Variants in ZFAT observed in about 807,000 individuals in gnomAD.
ZFAT encodes the protein zinc finger and AT-hook domain containing.
ZFAT carries 64 observed loss-of-function variants against 117.7 expected under a neutral mutation model. That is an observed-to-expected ratio of 0.54 (90% CI 0.44 to 0.67). The LOEUF (loss-of-function observed/expected upper bound fraction) is 0.67. Ranked by LOEUF, ZFAT falls within the 30% of genes least tolerant of loss-of-function variation. The pLI is 0.00. For synonymous variants in ZFAT, 679 were observed against 615.0 expected (o/e 1.10, Z -1.54); for missense variants, 1,433 against 1,584.5 (o/e 0.90, Z 1.62).
At chr8:134,552,840 CTG>C (rs1273422135) in intron 11 of ZFAT, among the ~76,000 whole-genome samples, 27 of 152,354 alleles carry the variant, frequency 1.8e-4, no homozygotes, top group African/African-American at 6.0e-4. Context: ...ATTTCAAAAA[CTG>C]TGGATTTCAG....
intron 13 of ZFAT, among the ~76,000 whole-genome samples, chr8:134,513,106 A>G (rs554709886): frequency 6.6e-6 from 1 of 152,242 alleles, no homozygotes; most frequent in African/African-American, 2.4e-5. Flanking sequence ...CTGATGGTGG[A>G]AGGGAGAGGA....
At chr8:134,736,480 A>T in the ZFAT span, among the ~76,000 whole-genome samples, 5 of 152,190 alleles carry the variant, frequency 3.3e-5, no homozygotes, top group Non-Finnish European at 7.3e-5. Flanking sequence ...ATGGAATGCA[A>T]AATTAAGTAT....
At chr8:134,677,929 G>A (rs1832883783) in intron 1 of ZFAT, among the ~76,000 whole-genome samples, 1 of 152,124 alleles carries the variant, frequency 6.6e-6, no homozygotes, top group South Asian at 2.1e-4. Context: ...AATAAACTAG[G>A]TATTGATGGA....
intron 11 of ZFAT, among the ~76,000 whole-genome samples, chr8:134,560,277 T>A (rs1823955609): frequency 6.6e-6 from 1 of 152,082 alleles, no homozygotes; most frequent in South Asian, 2.1e-4. Context: ...ACACCACCCA[T>A]CCCAAACTCA....
chr8:134,558,129 G>C (rs1382580990), intron 11 of ZFAT, among the ~76,000 whole-genome samples: 1 of 152,208 alleles, frequency 6.6e-6, no homozygotes, highest in East Asian at 1.9e-4. Flanking sequence ...AGGTAATTCT[G>C]ATGTTGACTA....
intron 15 of ZFAT, among the ~76,000 whole-genome samples, chr8:134,491,719 C>T (rs1157991216): frequency 6.6e-6 from 1 of 152,172 alleles, no homozygotes; most frequent in Non-Finnish European, 1.5e-5. Context: ...CCTTCCTCTT[C>T]CCCATTTAAG....
intron 1 of ZFAT, among the ~76,000 whole-genome samples, chr8:134,693,428 A>G (rs1833679563): frequency 6.6e-6 from 1 of 152,246 alleles, no homozygotes; most frequent in Non-Finnish European, 1.5e-5. Flanking sequence ...CTGAGTCTAC[A>G]CAAATATAAA....
chr8:134,546,453 G>C (rs1376177327), intron 11 of ZFAT, among the ~76,000 whole-genome samples: 1 of 152,160 alleles, frequency 6.6e-6, no homozygotes, highest in African/African-American at 2.4e-5. Context: ...AAGTCACCCT[G>C]AGAAGTGTGT....
chr8:134,634,740 A>C, intron 3 of ZFAT, among the ~76,000 whole-genome samples: 1 of 152,196 alleles, frequency 6.6e-6, no homozygotes. Flanking sequence ...ACAGAGCCAC[A>C]CGGAAAGATG....
chr8:134,636,368 C>T (rs551840795), intron 3 of ZFAT, among the ~76,000 whole-genome samples: 3 of 152,298 alleles, frequency 2.0e-5, no homozygotes, highest in African/African-American at 7.2e-5. Flanking sequence ...TGGTTATGAA[C>T]GGCTCACTGT....
chr8:134,578,925 C>T (rs1031641410), intron 10 of ZFAT, among the ~76,000 whole-genome samples: 1 of 152,200 alleles, frequency 6.6e-6, no homozygotes. Context: ...TATGCCCAAG[C>T]ACCAAATTTA....
intron 14 of ZFAT, 28 bp downstream of exon 14, chr8:134,512,447 A>G (rs1190427558): frequency 1.2e-6 from 2 of 1,610,670 alleles, no homozygotes; most frequent in Admixed American, 3.4e-5. Flanking sequence ...CAGTTCTGAG[A>G]TGGCAAAGGA....
the ZFAT span, among the ~76,000 whole-genome samples, chr8:134,826,377 T>C: frequency 6.6e-6 from 1 of 152,236 alleles, no homozygotes; most frequent in Admixed American, 6.5e-5. Context: ...TTAGAGAAGC[T>C]TGTTTATAAA....
the ZFAT span, among the ~76,000 whole-genome samples, chr8:134,775,596 T>C: frequency 6.6e-6 from 1 of 152,236 alleles, no homozygotes; most frequent in Non-Finnish European, 1.5e-5. Context: ...TTCGTGTTTC[T>C]CTTTAGCTTG....
At chr8:134,622,608 G>A (rs1247567710) in intron 3 of ZFAT, among the ~76,000 whole-genome samples, 3 of 151,998 alleles carry the variant, frequency 2.0e-5, no homozygotes, top group Admixed American at 6.6e-5. Context: ...GTTCTGGTGA[G>A]GTCCTGCTTG....
chr8:134,626,031 C>G (rs549262155), intron 3 of ZFAT, among the ~76,000 whole-genome samples: 2 of 152,336 alleles, frequency 1.3e-5, no homozygotes, highest in South Asian at 4.1e-4. Flanking sequence ...GCAGGGTGAC[C>G]TCCAAGATGC....
At chr8:134,668,069 C>T (rs915852663) in intron 1 of ZFAT, among the ~76,000 whole-genome samples, 4 of 152,154 alleles carry the variant, frequency 2.6e-5, no homozygotes, top group Non-Finnish European at 5.9e-5. Flanking sequence ...AAGGGGTGCC[C>T]GCCATTGCTG....
At chr8:134,563,339 T>C (rs1264671516) in intron 11 of ZFAT, among the ~76,000 whole-genome samples, 1 of 152,166 alleles carries the variant, frequency 6.6e-6, no homozygotes, top group Non-Finnish European at 1.5e-5. Context: ...TGAGAACATG[T>C]AGTGAGAAAA....
At chr8:134,553,053 G>A (rs542827441) in intron 11 of ZFAT, among the ~76,000 whole-genome samples, 1 of 152,266 alleles carries the variant, frequency 6.6e-6, no homozygotes, top group Non-Finnish European at 1.5e-5. Context: ...GGAAAGAATG[G>A]TGGGGCAAGG....
Sources: allele counts gnomAD v4.1 joint callset (sites outside exome capture counted in the v4.1 genomes callset), GRCh38; gene constraint gnomAD v4.1.1; transcripts MANE v1.5; gene names NCBI Gene and HGNC (gene_info 2026-07-23, HGNC 2026-07-21).